Variants in SCAI observed in about 807,000 individuals in gnomAD.
SCAI encodes the protein suppressor of cancer cell invasion.
SCAI carries 24 observed loss-of-function variants against 92.2 expected under a neutral mutation model. The observed-to-expected ratio is 0.26, with a 90% CI of 0.19 to 0.37. The LOEUF (loss-of-function observed/expected upper bound fraction) is 0.37. SCAI is among the 10% of genes least tolerant of loss of function. SCAI has a pLI of 1.00. For synonymous variants in SCAI, 261 were observed against 258.6 expected (o/e 1.01, Z -0.09); for missense variants, 450 against 736.2 (o/e 0.61, Z 4.50).
chr9:125,067,361 C>T (rs1037055423), intron 2 of SCAI, among the ~76,000 whole-genome samples: 1 of 152,008 alleles, frequency 6.6e-6, no homozygotes, highest in African/African-American at 2.4e-5. Context: ...GCCCTGAACA[C>T]AATGTGACTG....
At chr9:125,040,315 C>T (rs930160730) in intron 3 of SCAI, among the ~76,000 whole-genome samples, 4 of 152,130 alleles carry the variant, frequency 2.6e-5, no homozygotes, top group African/African-American at 9.7e-5. Context: ...AAGCCATAAT[C>T]GTGCCACTGC....
chr9:125,103,679 C>A (rs1834722742), intron 2 of SCAI, among the ~76,000 whole-genome samples: 1 of 152,122 alleles, frequency 6.6e-6, no homozygotes, highest in African/African-American at 2.4e-5. Flanking sequence ...TACCTCAAAG[C>A]CAATTTCTTA....
chr9:125,097,349 C>T (rs1428703188), intron 2 of SCAI, among the ~76,000 whole-genome samples: 2 of 152,050 alleles, frequency 1.3e-5, no homozygotes, highest in African/African-American at 4.8e-5. Context: ...AGGAGAATTG[C>T]TTGAACTCGG....
At chr9:125,092,397 G>A (rs996260043) in intron 2 of SCAI, among the ~76,000 whole-genome samples, 22 of 152,052 alleles carry the variant, frequency 1.4e-4, no homozygotes, top group Non-Finnish European at 2.5e-4. Flanking sequence ...AGGCTACAGT[G>A]AGCCAAGATC....
chr9:125,017,865 G>T (rs1276547478), intron 9 of SCAI, among the ~76,000 whole-genome samples: 3 of 151,468 alleles, frequency 2.0e-5, no homozygotes, highest in African/African-American at 7.3e-5. Context: ...AAATTAGCCG[G>T]GTGTGGTGGT....
intron 6 of SCAI, 64 bp downstream of exon 6, chr9:125,026,748 T>G (rs74370948): frequency 0.018 from 15,524 of 855,272 alleles, 205 homozygotes; most frequent in Middle Eastern, 0.029. Flanking sequence ...TTCCACACAA[T>G]TTCTACGAAG....
rs765968493 is a variant in SCAI, at chr9:125,103,579, TTCC to T, written c.98+39051_98+39053del. ...GCCCCTCAACAAGCGGTCCTTACTA[TTCC>T]AACCACAATAATGAAGTTACAGTCT... On this transcript the variant is annotated intron_variant, in intron 2 of 17. Coordinates refer to ENST00000336505, the MANE Select transcript of SCAI (RefSeq NM_001144877.3). Among the ~76,000 whole-genome samples the T allele has an allele frequency of 1.1e-3, 171 of 152,340 alleles. 1 individual carries two copies. Among genetic ancestry groups the T allele is most frequent in the Non-Finnish European group, 1.3e-3 (86 of 68,022 alleles).
intron 2 of SCAI, among the ~76,000 whole-genome samples, chr9:125,080,747 A>G (rs935200272): frequency 7.2e-5 from 11 of 152,240 alleles, no homozygotes; most frequent in Non-Finnish European, 1.5e-4. Flanking sequence ...GCCCATAAAC[A>G]GTCAATAAAA....
intron 2 of SCAI, among the ~76,000 whole-genome samples, chr9:125,067,842 G>C (rs955312668): frequency 2.4e-4 from 36 of 152,186 alleles, no homozygotes; most frequent in African/African-American, 8.4e-4. Flanking sequence ...CAACGAGCAG[G>C]GACAACTGCT....
At chr9:125,046,985 C>A (rs1272468736) in intron 3 of SCAI, among the ~76,000 whole-genome samples, 1 of 151,996 alleles carries the variant, frequency 6.6e-6, no homozygotes, top group African/African-American at 2.4e-5. Context: ...AGTATTGAAT[C>A]TATTCAGATA....
At chr9:125,055,694 TTTCCTA>T (rs1323718805) in intron 3 of SCAI, among the ~76,000 whole-genome samples, 176 bp downstream of exon 3, 5 of 152,186 alleles carry the variant, frequency 3.3e-5, no homozygotes, top group African/African-American at 1.2e-4. Flanking sequence ...GTTATCCTCT[TTTCCTA>T]TTGTTTTTTT....
At chr9:124,967,273 C>T (rs1379243321) in intron 17 of SCAI, among the ~76,000 whole-genome samples, 2 of 152,156 alleles carry the variant, frequency 1.3e-5, no homozygotes, top group Admixed American at 1.3e-4. Context: ...ATCCCCTCAT[C>T]TACCCAATGG....
chr9:125,116,587 C>T (rs1001441722), intron 2 of SCAI, among the ~76,000 whole-genome samples: 9 of 151,916 alleles, frequency 5.9e-5, no homozygotes, highest in African/African-American at 2.2e-4. Context: ...AATAAAAACT[C>T]TAGGTTTTTA....
At chr9:125,059,660 T>C (rs967678933) in intron 2 of SCAI, among the ~76,000 whole-genome samples, 1 of 152,236 alleles carries the variant, frequency 6.6e-6, no homozygotes, top group African/African-American at 2.4e-5. Context: ...TGAGGGGACA[T>C]TAAATGGTCA....
rs1450562980 is a variant in SCAI at position 125,029,787 on chromosome 9, T to C, written c.231-48A>G. ...ATTAATATTAAACTTCTTATTCTAT[T>C]TGGAAATTATGTCTTGTGATGGTAC... On this transcript the variant is annotated intron_variant, in intron 3 of 17. Coordinates refer to ENST00000336505, the MANE Select transcript of SCAI (RefSeq NM_001144877.3). 17 of 1,107,314 alleles carry C rather than the reference T, an allele frequency of 1.5e-5. No individual in the cohort carries two copies. The Admixed American group carries it at 3.3e-4, about 21-fold the overall frequency. The allele number at this position is 1,107,314 out of a possible 1,614,324, so 68.6% of individuals were successfully genotyped here.
Position 125,068,672 on chromosome 9 carries a change from A to C in SCAI, c.99-12665T>G, listed in dbSNP as rs150962355. Among the ~76,000 whole-genome samples, 156 of 152,278 alleles carry C rather than the reference A, an allele frequency of 1.0e-3. 3 individuals are homozygous for C. The East Asian group carries it at 0.028, about 28-fold the overall frequency. ...ACCCCATCTCAATTATTCTCTAAAA[A>C]TTTTTTATAAAAAAATTAAAAATAA... On this transcript the variant is annotated intron_variant, in intron 2 of 17. Coordinates refer to ENST00000336505, the MANE Select transcript of SCAI (RefSeq NM_001144877.3).
chr9:125,030,647 C>A (rs1406631692), intron 3 of SCAI, among the ~76,000 whole-genome samples: 2 of 152,142 alleles, frequency 1.3e-5, no homozygotes, highest in African/African-American at 4.8e-5. Context: ...GTAACTGTTA[C>A]TGAAGGCTGG....
In SCAI at chr9:125,126,589, T is replaced by TGAGA. The variant is rs147437849; in HGVS notation, c.98+16040_98+16043dup. 4.0e-3 allele frequency among the ~76,000 whole-genome samples: 579 copies of TGAGA among 143,246 alleles called. 5 individuals are homozygous for TGAGA. The highest frequency in any genetic ancestry group is 0.012 in the South Asian group (54 of 4,538). 94.0% of individuals were successfully genotyped at this position (143,246 alleles called of 152,430 possible). A position where few individuals can be genotyped will look rare whatever the true frequency, so the allele number is the denominator to read the frequency against. On this transcript the variant is annotated intron_variant, in intron 2 of 17. Transcript: ENST00000336505. ...GTGGGTGTGTGTGTGTGTGTGTGTG[T>TGAGA]GAGAGAGAGAGAGAGAACACACATG...
At chr9:125,047,539 C>A (rs1011420193) in intron 3 of SCAI, among the ~76,000 whole-genome samples, 1 of 152,230 alleles carries the variant, frequency 6.6e-6, no homozygotes, top group Non-Finnish European at 1.5e-5. Flanking sequence ...AAGCTATTAG[C>A]ATCTATGTTG....
Sources: gnomAD v4.1 joint callset for allele counts (sites outside exome capture counted in the v4.1 genomes callset) on GRCh38, gnomAD v4.1.1 for gene constraint, MANE v1.5 for transcripts, NCBI Gene and HGNC (gene_info 2026-07-23, HGNC 2026-07-21) for gene names.